The following TANC2 variants were observed in gnomAD, a reference collection of about 807,000 sequenced individuals.
TANC2 encodes the protein tetratricopeptide repeat, ankyrin repeat and coiled-coil containing 2.
TANC2 carries 26 observed loss-of-function variants against 210.5 expected under a neutral mutation model. The ratio of observed to expected loss-of-function variants is 0.12; its 90% CI spans 0.09 to 0.17. TANC2 has a LOEUF of 0.17. Ranked by LOEUF, TANC2 falls within the 10% of genes least tolerant of loss-of-function variation. The probability of loss-of-function intolerance (pLI) is 1.00; values close to 1 mark genes in which losing one functional copy is unlikely to be tolerated. For synonymous variants in TANC2, 931 were observed against 967.1 expected (o/e 0.96, Z 0.69); for missense variants, 2,129 against 2,608.9 (o/e 0.82, Z 4.01).
intron 8 of TANC2, among the ~76,000 whole-genome samples, chr17:63,264,682 G>C (rs1207831067): frequency 6.6e-6 from 1 of 152,118 alleles, no homozygotes; most frequent in Non-Finnish European, 1.5e-5. Context: ...AGTGTATATG[G>C]AAAGTAAACT....
intron 1 of TANC2, among the ~76,000 whole-genome samples, chr17:62,997,149 GGACA>G (rs1355905561): frequency 7.2e-6 from 1 of 139,326 alleles, no homozygotes; most frequent in African/African-American, 2.7e-5. Context: ...GAGAAAAAAA[GGACA>G]GAGTCTCACT....
intron 7 of TANC2, among the ~76,000 whole-genome samples, chr17:63,205,367 A>AAAAAAC (rs2041673963): frequency 1.3e-5 from 2 of 148,636 alleles, no homozygotes; most frequent in Non-Finnish European, 3.0e-5. Context: ...AAAAAAAAAA[A>AAAAAAC]AAAAACCTCA....
intron 14 of TANC2, among the ~76,000 whole-genome samples, chr17:63,372,161 T>C (rs1479668591): frequency 6.6e-6 from 1 of 152,172 alleles, no homozygotes. Flanking sequence ...CCTGAAAACC[T>C]CTGGTCTACA....
At chr17:62,975,276 T>C (rs750728445) in intron 1 of TANC2, among the ~76,000 whole-genome samples, 10 of 152,182 alleles carry the variant, frequency 6.6e-5, no homozygotes, top group Non-Finnish European at 1.3e-4. Flanking sequence ...TTTCTAGTTG[T>C]GGTTGCTGAA....
At chr17:63,027,542 A>T (rs569093163) in intron 2 of TANC2, among the ~76,000 whole-genome samples, 1 of 151,906 alleles carries the variant, frequency 6.6e-6, no homozygotes, top group Admixed American at 6.6e-5. Flanking sequence ...AAGAAAAAAA[A>T]CCTCTTGATA....
At chr17:63,108,110 A>C (rs1005254587) in intron 4 of TANC2, among the ~76,000 whole-genome samples, 1 of 151,796 alleles carries the variant, frequency 6.6e-6, no homozygotes, top group African/African-American at 2.4e-5. Flanking sequence ...GAGCAGTAGG[A>C]TATAAATAAC....
intron 7 of TANC2, among the ~76,000 whole-genome samples, chr17:63,219,593 G>T (rs1354056731): frequency 3.3e-5 from 5 of 152,024 alleles, no homozygotes; most frequent in Non-Finnish European, 7.4e-5. Flanking sequence ...TGTATTTTTA[G>T]TAGAGACGGG....
chr17:63,319,784 A>C (rs796289352), intron 11 of TANC2, among the ~76,000 whole-genome samples: 1 of 152,024 alleles, frequency 6.6e-6, no homozygotes, highest in East Asian at 1.9e-4. Context: ...TGAAATTTCT[A>C]TTTTTTTCAA....
intron 2 of TANC2, among the ~76,000 whole-genome samples, chr17:63,043,988 C>G (rs1229866049): frequency 2.0e-5 from 3 of 152,146 alleles, no homozygotes; most frequent in Non-Finnish European, 4.4e-5. Flanking sequence ...TTTACTTCTT[C>G]ATTCTCATTT....
intron 7 of TANC2, among the ~76,000 whole-genome samples, chr17:63,231,152 A>C (rs970930854): frequency 2.0e-5 from 3 of 151,972 alleles, no homozygotes; most frequent in Non-Finnish European, 4.4e-5. Context: ...TTTTGAGCCT[A>C]TGTGTGTCTT....
At chr17:63,087,807 C>T (rs561111853) in intron 3 of TANC2, among the ~76,000 whole-genome samples, 7 of 152,202 alleles carry the variant, frequency 4.6e-5, no homozygotes, top group Non-Finnish European at 8.8e-5. Flanking sequence ...TATTGGTTCC[C>T]ACTGAGGTTG....
intron 1 of TANC2, among the ~76,000 whole-genome samples, chr17:62,984,204 G>A (rs75091119): frequency 0.029 from 4,428 of 152,052 alleles, 79 homozygotes; most frequent in South Asian, 0.037. Flanking sequence ...ATTTGGTCTT[G>A]TTAGCTTGTA....
intron 20 of TANC2, 130 bp from the exon 21 acceptor site, chr17:63,406,024 G>T: frequency 8.5e-7 from 1 of 1,173,822 alleles, no homozygotes. Context: ...GGTACTTATG[G>T]GGGAAGTGGA....
At chr17:63,085,703 A>G (rs962537423) in intron 3 of TANC2, among the ~76,000 whole-genome samples, 3 of 152,104 alleles carry the variant, frequency 2.0e-5, no homozygotes, top group Non-Finnish European at 4.4e-5. Context: ...GTGTGTGTAT[A>G]TGTATATTAT....
chr17:63,096,420 G>A (rs1274816261), intron 3 of TANC2, among the ~76,000 whole-genome samples: 1 of 152,172 alleles, frequency 6.6e-6, no homozygotes, highest in Non-Finnish European at 1.5e-5. Context: ...CCTCAACTAA[G>A]GTCATGGTTG....
chr17:63,103,157 A>G (rs2037694401), intron 4 of TANC2, among the ~76,000 whole-genome samples: 1 of 150,898 alleles, frequency 6.6e-6, no homozygotes, highest in Non-Finnish European at 1.5e-5. Context: ...CTCCACTTCT[A>G]ATAAGGTGGG....
intron 9 of TANC2, among the ~76,000 whole-genome samples, chr17:63,310,640 A>G (rs916831231): frequency 2.0e-5 from 3 of 152,248 alleles, no homozygotes; most frequent in Non-Finnish European, 2.9e-5. Flanking sequence ...ATGAACAGGC[A>G]ATTCACAAAA....
chr17:63,406,410 C>A, intron 21 of TANC2, 133 bp downstream of exon 21: 1 of 1,218,554 alleles, frequency 8.2e-7, no homozygotes, highest in Non-Finnish European at 1.2e-6. Context: ...GAAAGGCTAT[C>A]TCCTCCCCTC....
intron 10 of TANC2, among the ~76,000 whole-genome samples, chr17:63,318,221 T>A (rs2045375902): frequency 6.6e-6 from 1 of 152,250 alleles, no homozygotes; most frequent in Admixed American, 6.5e-5. Flanking sequence ...GGTATCTATT[T>A]TTAAAGTATG....
Sources: gnomAD v4.1 joint callset for allele counts (sites outside exome capture counted in the v4.1 genomes callset) on GRCh38, gnomAD v4.1.1 for gene constraint, MANE v1.5 for transcripts, NCBI Gene and HGNC (gene_info 2026-07-23, HGNC 2026-07-21) for gene names.